Variants in ZNF649 observed in about 807,000 individuals in gnomAD.
The protein encoded by ZNF649 is zinc finger protein 649.
In ZNF649, 7 loss-of-function variants were observed where a neutral mutation model predicts 14.1. The observed-to-expected ratio is 0.49, with a 90% CI of 0.28 to 0.93. The LOEUF (loss-of-function observed/expected upper bound fraction) is 0.93, where lower values mean the gene tolerates loss of function less well. Among genes scored for constraint, ZNF649 ranks in the 40% least tolerant of loss-of-function variants. The pLI, the probability that ZNF649 is intolerant of heterozygous loss-of-function variation, is 0.10. For missense variants in ZNF649, 544 were observed against 608.1 expected, an observed-to-expected ratio of 0.89 and a Z score of 1.11; for synonymous variants, 227 against 212.3, an observed-to-expected ratio of 1.07 and a Z score of -0.60.
rs2084999302 is a variant in ZNF649 at position 51,889,343 on chromosome 19, C to G, written c.*1275G>C. 1.3e-5 allele frequency: 2 copies of G among 152,126 alleles called. No individual in the cohort carries two copies. Among genetic ancestry groups the G allele is most frequent in the African/African-American group, 4.8e-5 (2 of 41,416 alleles). 9.4% of individuals were successfully genotyped at this position (152,126 alleles called of 1,614,324 possible). A position where few individuals can be genotyped will look rare whatever the true frequency, so the allele number is the denominator to read the frequency against. On this transcript the variant is annotated 3_prime_UTR_variant, in exon 5 of 5. Coordinates refer to ENST00000354957, the MANE Select transcript of ZNF649 (RefSeq NM_023074.4). The stretch of plus-strand genomic sequence containing the variant: ...GTTCAGGCTACTAGAAAAAATACAC[C>G]ATAGACTGACTGACTGCCTTAACAA...
chr19:51,900,249 T>A lies in ZNF649; in HGVS notation c.-142A>T, dbSNP rs527721875. 4.1e-5 allele frequency: 25 copies of A among 605,734 alleles called. No homozygotes were observed. The highest frequency in any genetic ancestry group is 5.9e-5 in the Non-Finnish European group (22 of 375,028). The allele number at this position is 605,734 out of a possible 1,614,324, so 37.5% of individuals were successfully genotyped here. Reference sequence around the variant, plus strand: ...ATGATGACATCCACATCCAGGAACCTCCTCCTTCCTTCATTTGAACTCTCT... The same window carrying A: ...ATGATGACATCCACATCCAGGAACCACCTCCTTCCTTCATTTGAACTCTCT... On this transcript the variant is annotated 5_prime_UTR_variant, in exon 2 of 5. Transcript: ENST00000354957.
In ZNF649 at chr19:51,900,299, G is replaced by A; in HGVS notation, c.-187-5C>T. ...TTGCTTCTGGGGAGCCAGGACCTAT[G>A]GAGTAAAAATCAAGTTCATTTGGTG... is the stretch of plus-strand genomic sequence containing the variant. On this transcript the variant is annotated splice_region_variant and splice_polypyrimidine_tract_variant and intron_variant, in intron 1 of 4. Coordinates refer to ENST00000354957, the MANE Select transcript of ZNF649 (RefSeq NM_023074.4). The A allele has an allele frequency of 2.3e-6, 1 of 435,252 alleles. No individual in the cohort carries two copies. Among genetic ancestry groups the A allele is most frequent in the South Asian group, 1.0e-4 (1 of 10,034 alleles). The allele number at this position is 435,252 out of a possible 1,614,324, so 27.0% of individuals were successfully genotyped here.
rs546466831 is a variant in ZNF649, at chr19:51,891,463, C to A, written c.673G>T (p.Glu225Ter). The A allele has an allele frequency of 3.1e-6, 5 of 1,613,898 alleles. No homozygotes were observed. Among genetic ancestry groups the A allele is most frequent in the Non-Finnish European group, 4.2e-6 (5 of 1,179,838 alleles). Residue 225 changes from glutamate to a stop codon, truncating the protein, a stop_gained, in exon 5 of 5, where the codon GAG (glutamate) becomes TAG (stop). Coordinates refer to ENST00000354957, the MANE Select transcript of ZNF649 (RefSeq NM_023074.4). LOFTEE classifies it low-confidence loss of function (END_TRUNC). The surrounding 1 kb of genome is among the most constrained non-coding windows in gnomAD (Gnocchi z 4.2). ...FYKKYRLTEH[E>*]RAHRGEKPHG... ...GGTTTCTCTCCTCTGTGAGCTCTCT[C>A]GTGTTCAGTGAGCCTGTACTTCTTG...
chr19:51,896,753 A>G (rs879183013), intron 3 of ZNF649, 99 bp downstream of exon 3: 2 of 1,611,430 alleles, frequency 1.2e-6, no homozygotes, highest in South Asian at 1.1e-5. Context: ...AGGATCTGCC[A>G]TTTGGGAGCA....
intron 4 of ZNF649, among the ~76,000 whole-genome samples, chr19:51,892,358 G>A (rs1235202700): frequency 2.1e-5 from 3 of 145,264 alleles, no homozygotes; most frequent in Non-Finnish European, 4.5e-5. Flanking sequence ...TCTGCCAACA[G>A]AGCAAGACTC....
At chr19:51,897,241 G>A (rs2085068138) in intron 2 of ZNF649, 2 of 369,166 alleles carry the variant, frequency 5.4e-6, no homozygotes, top group Non-Finnish European at 9.9e-6. Flanking sequence ...TTCAAGTTTG[G>A]ATATAAGTGG....
chr19:51,900,340 G>T, intron 1 of ZNF649, 46 bp from the exon 2 acceptor site: 1 of 399,490 alleles, frequency 2.5e-6, no homozygotes. Context: ...TTCCCTCCGG[G>T]CCCAGATGCT....
rs568908572 is a variant in ZNF649 at position 51,890,621 on chromosome 19, T to C, written c.1515A>G (p.Ser505=). 9 of 1,601,306 alleles carry C rather than the reference T, an allele frequency of 5.6e-6. No homozygotes were observed. Among genetic ancestry groups the C allele is most frequent in the African/African-American group, 2.7e-5 (2 of 74,880 alleles). The stretch of plus-strand genomic sequence containing the variant: ...TGATCAAACAGCAAACTGTTTATCA[T>C]GAATGCAGGATGTGGGCAAACTCAC... ...GQCEFAHILH[S] Residue 505 remains serine, a synonymous_variant, in exon 5 of 5, where the codon TCA becomes TCG. Transcript: ENST00000354957.
At chr19:51,902,346 G>A (rs2085099814) in intron 1 of ZNF649, among the ~76,000 whole-genome samples, 1 of 152,138 alleles carries the variant, frequency 6.6e-6, no homozygotes, top group African/African-American at 2.4e-5. Context: ...GTTCAAGCCT[G>A]CCCCCAACTT....
Position 51,890,875 on chromosome 19 carries a change from G to A in ZNF649, c.1261C>T (p.His421Tyr). The A allele has an allele frequency of 2.5e-6, 4 of 1,614,250 alleles. No homozygotes were observed. The African/African-American group carries it at 5.3e-5, about 22-fold the overall frequency. Reference protein sequence around the residue: ...FLTKTMLIVHHRTHTGERPYG... With the variant: ...FLTKTMLIVHYRTHTGERPYG... ...GGTCTCTCTCCCGTGTGAGTTCTGT[G>A]ATGTACAATGAGCATTGTCTTTGTA... The change falls in exon 5 of 5, where the codon CAC (histidine) becomes TAC (tyrosine). Residue 421 changes from histidine (H) to tyrosine (Y), a missense_variant. Transcript: ENST00000354957.
Position 51,896,564 on chromosome 19 carries a change from T to A in ZNF649, c.146A>T (p.Tyr49Phe), listed in dbSNP as rs779030352. The change falls in exon 4 of 5, where the codon TAT becomes TTT. Residue 49 changes from tyrosine to phenylalanine, a missense_variant. Tyr to Phe is a conservative substitution (Grantham distance 22). Coordinates refer to ENST00000354957, the MANE Select transcript of ZNF649 (RefSeq NM_023074.4). ...GAGGGCATCAGGTTTGCCGGCTTGA[T>A]ACCCTGTTTGTGGGAAATGGGAGAA... ...ENYSNLVSVG[Y>F]QAGKPDALTK... 1.9e-6 allele frequency: 3 copies of A among 1,614,152 alleles called. No homozygotes were observed. Among genetic ancestry groups the A allele is most frequent in the Non-Finnish European group, 2.5e-6 (3 of 1,179,982 alleles).
chr19:51,899,988 C>G, intron 2 of ZNF649, 105 bp downstream of exon 2: 1 of 1,015,964 alleles, frequency 9.8e-7, no homozygotes, highest in Non-Finnish European at 1.4e-6. Context: ...CTCCCCAGAG[C>G]TCATTTTTTC....
At chr19:51,893,457 G>C (rs1039296292) in intron 4 of ZNF649, among the ~76,000 whole-genome samples, 1 of 151,770 alleles carries the variant, frequency 6.6e-6, no homozygotes, top group Non-Finnish European at 1.5e-5. Context: ...TCAGATCTGC[G>C]AATCATCTTT....
chr19:51,898,615 T>G (rs192199386), intron 2 of ZNF649, among the ~76,000 whole-genome samples: 1 of 151,816 alleles, frequency 6.6e-6, no homozygotes, highest in Admixed American at 6.6e-5. Context: ...GTGGGCATGA[T>G]TAAATCATCA....
chr19:51,898,225 C>T (rs139785136), intron 2 of ZNF649, among the ~76,000 whole-genome samples: 14 of 152,188 alleles, frequency 9.2e-5, no homozygotes, highest in African/African-American at 2.9e-4. Context: ...TAACACTAAC[C>T]GCTGAGGGTT....
At chr19:51,902,298 T>C (rs2085099623) in intron 1 of ZNF649, among the ~76,000 whole-genome samples, 1 of 152,212 alleles carries the variant, frequency 6.6e-6, no homozygotes, top group South Asian at 2.1e-4. Context: ...AGACTGTGTA[T>C]CTAGATATAG....
At chr19:51,896,189 T>G (rs2085061224) in intron 4 of ZNF649, 1 of 289,266 alleles carries the variant, frequency 3.5e-6, no homozygotes, top group Non-Finnish European at 6.6e-6. Flanking sequence ...TGACAAGTGA[T>G]GAAGAAGAAT....
At position 51,890,935 on chromosome 19, in the gene ZNF649, GTT is replaced by G. The variant is rs751075464; in HGVS notation, c.1199_1200del (p.Lys400ThrfsTer3). The G allele has an allele frequency of 2.5e-6, 4 of 1,613,850 alleles. No homozygotes were observed. In the African/African-American group the frequency reaches 5.3e-5, roughly 22 times the overall value. ...IRHQKIHSGE[K>X]PYKCSDCGKA... ...TTCCCACAGTCACTGCATTTATAGG[GTT>G]TCTCTCCTGAGTGAATTTTCTGATG... On this transcript the variant is annotated frameshift_variant, in exon 5 of 5. Coordinates refer to ENST00000354957, the MANE Select transcript of ZNF649 (RefSeq NM_023074.4). LOFTEE classifies it low-confidence loss of function (END_TRUNC).
At chr19:51,897,108 G>A (rs2085067399) in intron 2 of ZNF649, 130 bp from the exon 3 acceptor site, 1 of 1,312,050 alleles carries the variant, frequency 7.6e-7, no homozygotes, top group Non-Finnish European at 1.1e-6. Flanking sequence ...CAATGGAATG[G>A]TTTCAGGATG....
Sources: gnomAD v4.1 joint callset for allele counts (sites outside exome capture counted in the v4.1 genomes callset) on GRCh38, gnomAD v4.1.1 for gene constraint, Gnocchi (gnomAD v3.1) non-coding constraint, MANE v1.5 for transcripts, NCBI Gene and HGNC (gene_info 2026-07-23, HGNC 2026-07-21) for gene names.